Variants in DOCK2 observed in about 807,000 individuals in gnomAD.
DOCK2 encodes the protein dedicator of cytokinesis protein 2.
DOCK2 carries 87 observed loss-of-function variants against 248.9 expected under a neutral mutation model. The ratio of observed to expected loss-of-function variants is 0.35; its 90% CI spans 0.29 to 0.42. DOCK2 has a LOEUF of 0.42. Ranked by LOEUF, DOCK2 falls within the 10% of genes least tolerant of loss-of-function variation. The pLI, the probability that DOCK2 is intolerant of heterozygous loss-of-function variation, is 1.00. For synonymous variants in DOCK2, 805 were observed against 821.6 expected (o/e 0.98, Z 0.35); for missense variants, 1,747 against 2,300.2 (o/e 0.76, Z 4.92).
At chr5:169,743,320 C>A (rs1377466761) in intron 22 of DOCK2, among the ~76,000 whole-genome samples, 3 of 152,112 alleles carry the variant, frequency 2.0e-5, no homozygotes, top group African/African-American at 7.2e-5. Flanking sequence ...GCCTGTCATC[C>A]CAGCTACTCA....
chr5:169,903,744 C>T lies in DOCK2; in HGVS notation c.2799+62892C>T, dbSNP rs1377480064. Among the ~76,000 whole-genome samples the T allele has an allele frequency of 3.3e-5, 5 of 151,302 alleles. No individual in the cohort carries two copies. The East Asian group carries it at 9.7e-4, about 29-fold the overall frequency. On this transcript the variant is annotated intron_variant, in intron 27 of 51. Coordinates refer to ENST00000520908, the MANE Select transcript of DOCK2 (RefSeq NM_004946.3). Reference sequence around the variant, plus strand: ...GTTTGGAGAAAGGTGGGTGAGAGCTCGGTCACTGTAGCAGGAAGTTTGGAC... The same window carrying T: ...GTTTGGAGAAAGGTGGGTGAGAGCTTGGTCACTGTAGCAGGAAGTTTGGAC...
intron 22 of DOCK2, among the ~76,000 whole-genome samples, chr5:169,725,637 C>G (rs969340909): frequency 6.6e-6 from 1 of 152,120 alleles, no homozygotes; most frequent in Admixed American, 6.5e-5. Context: ...AGGTATTTCT[C>G]CTAATGCTAT....
chr5:170,032,878 A>G (rs1456032637), intron 34 of DOCK2, among the ~76,000 whole-genome samples: 1 of 152,082 alleles, frequency 6.6e-6, no homozygotes, highest in Non-Finnish European at 1.5e-5. Context: ...TTTCAGTTCC[A>G]TGGGGAGAGT....
intron 29 of DOCK2, among the ~76,000 whole-genome samples, chr5:169,992,488 C>T (rs745836680): frequency 8.5e-5 from 13 of 152,192 alleles, no homozygotes; most frequent in Admixed American, 1.3e-4. Context: ...TGTTTTGAGA[C>T]GGAGTCTCGC....
At chr5:169,681,637 G>A in intron 6 of DOCK2, 107 bp from the exon 7 acceptor site, 3 of 1,375,390 alleles carry the variant, frequency 2.2e-6, no homozygotes, top group South Asian at 1.5e-5. Flanking sequence ...TCTTCTATGT[G>A]ACTATATGAC....
intron 27 of DOCK2, among the ~76,000 whole-genome samples, chr5:169,893,808 C>T (rs1443196732): frequency 6.6e-6 from 1 of 152,154 alleles, no homozygotes; most frequent in African/African-American, 2.4e-5. Flanking sequence ...TCAATGTTGA[C>T]GTGTCAACAT....
At chr5:169,935,522 G>T (rs536263817) in intron 27 of DOCK2, among the ~76,000 whole-genome samples, 2 of 152,132 alleles carry the variant, frequency 1.3e-5, no homozygotes, top group Non-Finnish European at 2.9e-5. Context: ...GCAGCCATTC[G>T]GATATCAGGT....
At chr5:169,940,765 T>C (rs1561840089) in intron 27 of DOCK2, among the ~76,000 whole-genome samples, 1 of 152,140 alleles carries the variant, frequency 6.6e-6, no homozygotes, top group East Asian at 1.9e-4. Context: ...GGAGCAGCTG[T>C]AAATACAGAT....
chr5:169,761,493 C>A, intron 24 of DOCK2, 26 bp from the exon 25 acceptor site: 1 of 1,592,942 alleles, frequency 6.3e-7, no homozygotes, highest in South Asian at 1.1e-5. Flanking sequence ...CCTTGCTCTA[C>A]CAGCTCCTAT....
chr5:170,020,231 AT>A (rs1320957192), intron 33 of DOCK2, among the ~76,000 whole-genome samples: 1 of 151,660 alleles, frequency 6.6e-6, no homozygotes, highest in Admixed American at 6.6e-5. Context: ...TCCTTCGGGC[AT>A]TTTTTTTCTT....
chr5:169,877,284 AT>A (rs377418140), intron 27 of DOCK2, among the ~76,000 whole-genome samples: 20 of 152,256 alleles, frequency 1.3e-4, no homozygotes, highest in African/African-American at 4.8e-4. Flanking sequence ...GTCAGATTCT[AT>A]TTTTCAGGTG....
At chr5:169,999,226 A>G (rs1022248327) in intron 30 of DOCK2, among the ~76,000 whole-genome samples, 2 of 152,200 alleles carry the variant, frequency 1.3e-5, no homozygotes, top group East Asian at 3.8e-4. Flanking sequence ...TTCATACATG[A>G]GAAGTACGGG....
At chr5:169,837,863 C>T (rs1164603175) in intron 26 of DOCK2, among the ~76,000 whole-genome samples, 2 of 151,940 alleles carry the variant, frequency 1.3e-5, no homozygotes, top group Non-Finnish European at 2.9e-5. Context: ...TTTTAAATAC[C>T]AAACTTCCTG....
chr5:169,638,783 A>G (rs1265860901), intron 1 of DOCK2, among the ~76,000 whole-genome samples: 1 of 152,164 alleles, frequency 6.6e-6, no homozygotes, highest in Non-Finnish European at 1.5e-5. Context: ...CAGAACCCCC[A>G]TGTGAGGCAG....
At chr5:169,923,084 C>A (rs1300653359) in intron 27 of DOCK2, among the ~76,000 whole-genome samples, 1 of 152,164 alleles carries the variant, frequency 6.6e-6, no homozygotes, top group Non-Finnish European at 1.5e-5. Context: ...AGAGCCACCA[C>A]CTCATGGAAC....
chr5:169,969,766 A>C (rs1188620898), intron 27 of DOCK2, among the ~76,000 whole-genome samples: 1 of 152,212 alleles, frequency 6.6e-6, no homozygotes, highest in Non-Finnish European at 1.5e-5. Flanking sequence ...GTCTCCCAGC[A>C]GACCAAGATG....
intron 2 of DOCK2, among the ~76,000 whole-genome samples, chr5:169,661,412 A>G (rs1293564851): frequency 6.6e-6 from 1 of 152,230 alleles, no homozygotes; most frequent in Non-Finnish European, 1.5e-5. Flanking sequence ...ACAAATGACC[A>G]TATCCATCAT....
intron 14 of DOCK2, 134 bp from the exon 15 acceptor site, chr5:169,708,035 C>T (rs1406609896): frequency 3.9e-6 from 3 of 770,654 alleles, no homozygotes; most frequent in East Asian, 2.7e-5. Flanking sequence ...ATTATGGGCA[C>T]CTGGCATGAG....
chr5:169,795,273 A>G (rs1318872367), intron 25 of DOCK2, among the ~76,000 whole-genome samples: 5 of 152,148 alleles, frequency 3.3e-5, no homozygotes, highest in African/African-American at 1.2e-4. Flanking sequence ...CCGCCTAACT[A>G]TATTTTCTCC....
Sources: gnomAD v4.1 joint callset for allele counts (sites outside exome capture counted in the v4.1 genomes callset) on GRCh38, gnomAD v4.1.1 for gene constraint, MANE v1.5 for transcripts, NCBI Gene and HGNC (gene_info 2026-07-23, HGNC 2026-07-21) for gene names.